Variants in MMP16 observed in about 807,000 individuals in gnomAD.
MMP16 encodes the protein matrix metallopeptidase 16, also known as matrix metalloproteinase-16.
In MMP16, 12 loss-of-function variants were observed where a neutral mutation model predicts 67.8. The ratio of observed to expected loss-of-function variants is 0.18; its 90% CI spans 0.11 to 0.29. The LOEUF (loss-of-function observed/expected upper bound fraction) is 0.29. Among genes scored for constraint, MMP16 ranks in the 10% least tolerant of loss-of-function variants. The pLI is 1.00. For missense variants in MMP16, 475 were observed against 765.7 expected, an observed-to-expected ratio of 0.62 and a Z score of 4.48; for synonymous variants, 249 against 255.9, an observed-to-expected ratio of 0.97 and a Z score of 0.26.
intron 6 of MMP16, among the ~76,000 whole-genome samples, chr8:88,081,684 C>T (rs929902657): frequency 2.6e-5 from 4 of 152,042 alleles, no homozygotes; most frequent in Non-Finnish European, 5.9e-5. Flanking sequence ...ATTTGAATGT[C>T]ACCTAATATT....
intron 1 of MMP16, among the ~76,000 whole-genome samples, chr8:88,247,651 T>G (rs1317400257): frequency 6.6e-6 from 1 of 152,056 alleles, no homozygotes; most frequent in Non-Finnish European, 1.5e-5. Context: ...CAATAAAAGG[T>G]AGGAAAACCC....
At chr8:88,164,234 C>T (rs970997190) in intron 4 of MMP16, among the ~76,000 whole-genome samples, 14 of 151,626 alleles carry the variant, frequency 9.2e-5, no homozygotes, top group Non-Finnish European at 7.4e-5. Context: ...TCCCAGCTCT[C>T]AAGAGCTCTG....
At chr8:88,061,127 TACACACACACAC>T (rs149547108) in intron 7 of MMP16, among the ~76,000 whole-genome samples, 6,678 of 143,086 alleles carry the variant, frequency 0.047, 200 homozygotes, top group Non-Finnish European at 0.051. Flanking sequence ...CTGAATATTA[TACACACACACAC>T]ACACACACAC....
At chr8:88,276,991 G>GTGAAA (rs1281209131) in intron 1 of MMP16, among the ~76,000 whole-genome samples, 1 of 151,984 alleles carries the variant, frequency 6.6e-6, no homozygotes, top group African/African-American at 2.4e-5. Flanking sequence ...TCACATTAAA[G>GTGAAA]ATTTTCACTG....
chr8:88,077,179 G>A (rs1305118825), intron 6 of MMP16, among the ~76,000 whole-genome samples: 1 of 152,176 alleles, frequency 6.6e-6, no homozygotes, highest in Non-Finnish European at 1.5e-5. Context: ...ATAAATTACA[G>A]ATATTCAGGT....
intron 1 of MMP16, among the ~76,000 whole-genome samples, chr8:88,205,076 C>T (rs1459056102): frequency 6.6e-6 from 1 of 152,212 alleles, no homozygotes; most frequent in Non-Finnish European, 1.5e-5. Flanking sequence ...CATGCCTTTA[C>T]TGCCCATTAT....
chr8:88,325,160 A>G (rs1811517281), intron 1 of MMP16, among the ~76,000 whole-genome samples: 1 of 152,194 alleles, frequency 6.6e-6, no homozygotes, highest in South Asian at 2.1e-4. Flanking sequence ...CTTAATGAAG[A>G]AAGAGAAGGG....
intron 1 of MMP16, among the ~76,000 whole-genome samples, chr8:88,249,308 C>T (rs1364172214): frequency 6.6e-6 from 1 of 152,132 alleles, no homozygotes; most frequent in East Asian, 1.9e-4. Flanking sequence ...GTAATAAGTC[C>T]TGATCAAATA....
At chr8:88,042,675 G>A (rs1412604344) in intron 9 of MMP16, among the ~76,000 whole-genome samples, 7 of 152,162 alleles carry the variant, frequency 4.6e-5, no homozygotes, top group African/African-American at 1.7e-4. Context: ...GAGGTGGGAT[G>A]TGGGAGGCTC....
chr8:88,132,481 G>C (rs1398471483), intron 4 of MMP16, among the ~76,000 whole-genome samples: 1 of 151,838 alleles, frequency 6.6e-6, no homozygotes, highest in Non-Finnish European at 1.5e-5. Flanking sequence ...GACTAGGGGA[G>C]GCTCTGCTTC....
chr8:88,059,938 T>C (rs1395126356), intron 7 of MMP16, among the ~76,000 whole-genome samples: 10 of 147,904 alleles, frequency 6.8e-5, no homozygotes, highest in South Asian at 2.1e-4. Flanking sequence ...GAGGCAGAAA[T>C]TGAATAAAAG....
rs760308984 is a variant in MMP16, at chr8:88,074,671, G to C, written c.1156C>G (p.Arg386Gly). 6.2e-7 allele frequency: 1 copy of C among 1,613,604 alleles called. No individual in the cohort carries two copies. Among genetic ancestry groups the C allele is most frequent in the Admixed American group, 1.7e-5 (1 of 59,952 alleles). Residue 386 changes from arginine to glycine, a missense_variant, in exon 7 of 10, where the codon CGG becomes GGG. Arg to Gly is a moderately radical substitution (Grantham distance 125). Around this residue, in one of 5 missense-constraint regions of MMP16, gnomAD observed 195 missense variants for 300.9 expected, o/e 0.65. Transcript: ENST00000286614. ...GYPMQITYFW[R>G]GLPPSIDAVY... Reference sequence around the variant, plus strand: ...GCATCGATACTAGGAGGCAAGCCCCGCCAGAAGTAAGTAATTTGCATTGGG... The same window carrying C: ...GCATCGATACTAGGAGGCAAGCCCCCCCAGAAGTAAGTAATTTGCATTGGG...
chr8:88,208,470 G>C (rs1457725642), intron 1 of MMP16, among the ~76,000 whole-genome samples: 1 of 151,990 alleles, frequency 6.6e-6, no homozygotes, highest in East Asian at 1.9e-4. Context: ...AAATTTCCTT[G>C]GTCACCAAGA....
chr8:88,144,568 G>A (rs1159446910), intron 4 of MMP16, among the ~76,000 whole-genome samples: 2 of 151,590 alleles, frequency 1.3e-5, no homozygotes, highest in Non-Finnish European at 3.0e-5. Flanking sequence ...ATTTAGATTG[G>A]ATAATTTATA....
intron 1 of MMP16, among the ~76,000 whole-genome samples, chr8:88,229,838 G>A (rs1215331599): frequency 6.6e-6 from 1 of 152,030 alleles, no homozygotes; most frequent in Non-Finnish European, 1.5e-5. Context: ...GAGAGAATAA[G>A]TAATGCTGTA....
chr8:88,155,669 A>G (rs951483872), intron 4 of MMP16, among the ~76,000 whole-genome samples: 37 of 152,048 alleles, frequency 2.4e-4, no homozygotes, highest in Admixed American at 1.0e-3. Flanking sequence ...ATATCATTTT[A>G]TCTCTTCATA....
At chr8:88,056,454 G>T (rs1235367505) in intron 7 of MMP16, among the ~76,000 whole-genome samples, 176 bp from the exon 8 acceptor site, 1 of 150,652 alleles carries the variant, frequency 6.6e-6, no homozygotes, top group Admixed American at 6.6e-5. Flanking sequence ...GAATATTAAT[G>T]TTATCTTTGA....
At chr8:88,092,517 T>C (rs941907037) in intron 6 of MMP16, among the ~76,000 whole-genome samples, 1 of 151,894 alleles carries the variant, frequency 6.6e-6, no homozygotes, top group Non-Finnish European at 1.5e-5. Context: ...TTTTTGACTG[T>C]CCTTTCTTTC....
chr8:88,089,022 A>T (rs563536644), intron 6 of MMP16, among the ~76,000 whole-genome samples: 72 of 152,262 alleles, frequency 4.7e-4, no homozygotes, highest in African/African-American at 1.7e-3. Context: ...TTTGAAAATC[A>T]TTCTGAGCAA....
Sources: allele counts gnomAD v4.1 joint callset (sites outside exome capture counted in the v4.1 genomes callset), GRCh38; gene constraint gnomAD v4.1.1; regional missense constraint gnomAD v4.1.1; transcripts MANE v1.5; gene names NCBI Gene and HGNC (gene_info 2026-07-23, HGNC 2026-07-21).